Variants in SCN8A observed in about 807,000 individuals in gnomAD.
The protein encoded by SCN8A is sodium channel protein type 8 subunit alpha.
In SCN8A, 30 loss-of-function variants were observed where a neutral mutation model predicts 184.1. The observed-to-expected ratio is 0.16, with a 90% CI of 0.12 to 0.22. SCN8A has a LOEUF of 0.22. Among genes scored for constraint, SCN8A ranks in the 10% least tolerant of loss-of-function variants. The pLI is 1.00. For missense variants in SCN8A, 1,057 were observed against 2,498.9 expected (o/e 0.42, Z 12.30); for synonymous variants, 852 against 907.0 (o/e 0.94, Z 1.09).
chr12:51,806,532 C>G lies in SCN8A; in HGVS notation c.5046C>G (p.Ile1682Met). Reference sequence around the variant, plus strand: ...CATATGTGAAGCACGAGGCTGGTATCGATGACATGTTCAACTTTGAGACAT... The same window carrying G: ...CATATGTGAAGCACGAGGCTGGTATGGATGACATGTTCAACTTTGAGACAT... ...NFAYVKHEAG[I>M]DDMFNFETFG... Residue 1682 changes from isoleucine to methionine, a missense_variant, in exon 27 of 27, where the codon ATC (isoleucine) becomes ATG (methionine). Physicochemically the swap from Ile to Met is conservative, Grantham distance 10. Around this residue, in one of 19 missense-constraint regions of SCN8A, gnomAD observed 19 missense variants for 41.6 expected, o/e 0.46. Transcript: ENST00000627620. The surrounding 1 kb of genome is among the most constrained non-coding windows in gnomAD (Gnocchi z 8.7). 6.2e-7 allele frequency: 1 copy of G among 1,614,148 alleles called. No individual in the cohort carries two copies. Among genetic ancestry groups the G allele is most frequent in the Non-Finnish European group, 8.5e-7 (1 of 1,180,034 alleles).
At chr12:51,668,299 A>G (rs965511472) in intron 2 of SCN8A, among the ~76,000 whole-genome samples, 2 of 152,130 alleles carry the variant, frequency 1.3e-5, no homozygotes, top group Admixed American at 6.5e-5. Flanking sequence ...GAAAATTATA[A>G]TTTGATAGCC....
Position 51,769,944 on chromosome 12 carries a change from A to C in SCN8A, c.3449A>C (p.Gln1150Pro), listed in dbSNP as rs1050488287. 2 of 1,606,860 alleles carry C rather than the reference A, an allele frequency of 1.2e-6. No homozygotes were observed. Among genetic ancestry groups the C allele is most frequent in the East Asian group, 2.2e-5 (1 of 44,736 alleles). Residue 1150 changes from glutamine to proline, a missense_variant, in exon 18 of 27, where the codon CAG (glutamine) becomes CCG (proline). By Grantham distance (76) the Gln-to-Pro change is moderately conservative. This residue lies in a region of SCN8A where 178 missense variants were observed against 259.6 expected (regional missense o/e 0.69). Transcript: ENST00000627620. ...GAAGTAGAAGAGGTCCCTGTGGAAC[A>C]GCCTGAGGAATACTTGGATCCAGAT... is the stretch of plus-strand genomic sequence containing the variant. ...KPEVEEVPVE[Q>P]PEEYLDPDAC...
intron 14 of SCN8A, among the ~76,000 whole-genome samples, chr12:51,761,864 A>G (rs984627831): frequency 6.6e-6 from 1 of 152,100 alleles, no homozygotes; most frequent in African/African-American, 2.4e-5. Context: ...ACTTAATGAT[A>G]AGTGAAAAAT....
chr12:51,646,092 T>C (rs949898469), intron 1 of SCN8A, among the ~76,000 whole-genome samples: 10 of 151,276 alleles, frequency 6.6e-5, no homozygotes, highest in Admixed American at 3.3e-4. Flanking sequence ...CAGGAACACA[T>C]TCAGGAACAC....
intron 1 of SCN8A, among the ~76,000 whole-genome samples, chr12:51,626,091 T>G (rs1940072221): frequency 6.6e-6 from 1 of 152,164 alleles, no homozygotes; most frequent in Non-Finnish European, 1.5e-5. Context: ...GAAAGCATGG[T>G]CCAGAGCTCT....
chr12:51,653,234 T>G (rs995855269), intron 1 of SCN8A, among the ~76,000 whole-genome samples: 1 of 152,076 alleles, frequency 6.6e-6, no homozygotes. Flanking sequence ...ACAGGAGAAT[T>G]GCTTGAACCT....
intron 19 of SCN8A, among the ~76,000 whole-genome samples, chr12:51,773,547 A>G (rs1942962175): frequency 1.3e-5 from 2 of 152,230 alleles, no homozygotes; most frequent in Admixed American, 1.3e-4. Context: ...GAACACTCAT[A>G]TGCTTCTGGT....
intron 1 of SCN8A, among the ~76,000 whole-genome samples, chr12:51,626,264 A>G (rs988048301): frequency 3.3e-5 from 5 of 152,078 alleles, no homozygotes; most frequent in Non-Finnish European, 7.4e-5. Context: ...TGTGAGAGTT[A>G]GATAAAGGAG....
chr12:51,783,820 G>A (rs897835799), intron 21 of SCN8A, among the ~76,000 whole-genome samples: 18 of 152,168 alleles, frequency 1.2e-4, no homozygotes, highest in Middle Eastern at 3.2e-3. Flanking sequence ...TTATAGAGAA[G>A]ACAAAAATAC....
At chr12:51,717,220 C>T (rs772413597) in intron 11 of SCN8A, among the ~76,000 whole-genome samples, 11 of 152,176 alleles carry the variant, frequency 7.2e-5, no homozygotes, top group Non-Finnish European at 1.3e-4. Flanking sequence ...GTCACCTTAC[C>T]GTGATCTGAT....
At chr12:51,658,918 A>G (rs1940874808) in intron 1 of SCN8A, among the ~76,000 whole-genome samples, 1 of 152,162 alleles carries the variant, frequency 6.6e-6, no homozygotes, top group Non-Finnish European at 1.5e-5. Context: ...GAACCCTCTT[A>G]TATTGCTGGT....
chr12:51,736,470 T>C (rs938292720), intron 12 of SCN8A, among the ~76,000 whole-genome samples: 3 of 152,222 alleles, frequency 2.0e-5, no homozygotes, highest in African/African-American at 7.2e-5. Flanking sequence ...AATGTACCAT[T>C]TGGCAAGTTG....
At chr12:51,711,516 A>G (rs1249250094) in intron 11 of SCN8A, among the ~76,000 whole-genome samples, 1 of 152,190 alleles carries the variant, frequency 6.6e-6, no homozygotes, top group Non-Finnish European at 1.5e-5. Flanking sequence ...AGGTTATATA[A>G]CTAGTAAGTG....
intron 25 of SCN8A, among the ~76,000 whole-genome samples, chr12:51,794,165 CAGAG>C (rs1195238320): frequency 2.0e-5 from 3 of 152,038 alleles, no homozygotes; most frequent in Admixed American, 1.3e-4. Flanking sequence ...AAACAGAAAA[CAGAG>C]AGAAGCTGGT....
At chr12:51,668,098 G>T (rs554357225) in intron 2 of SCN8A, among the ~76,000 whole-genome samples, 1 of 151,412 alleles carries the variant, frequency 6.6e-6, no homozygotes, top group Non-Finnish European at 1.5e-5. Context: ...CAGGAGAATC[G>T]CTTGAACCCG....
chr12:51,686,959 C>A, intron 4 of SCN8A, 132 bp from the exon 5 acceptor site: 1 of 825,440 alleles, frequency 1.2e-6, no homozygotes, highest in Non-Finnish European at 2.0e-6. Context: ...CACTTCCTTC[C>A]TGCTGCATTG....
At position 51,720,387 on chromosome 12, in the gene SCN8A, T is replaced by C. The variant is rs181711102; in HGVS notation, c.1636-1159T>C. 5.8e-3 allele frequency among the ~76,000 whole-genome samples: 849 copies of C among 146,050 alleles called. 10 individuals carry two copies. Among genetic ancestry groups the C allele is most frequent in the African/African-American group, 0.021 (816 of 39,052 alleles). The stretch of plus-strand genomic sequence containing the variant: ...ACCAAATACTGCATATTCTCACTGA[T>C]AGGTGGAAATTGAACAATGAGAACA... On this transcript the variant is annotated intron_variant, in intron 11 of 26. Transcript: ENST00000627620.
chr12:51,621,701 T>C (rs1447158892), intron 1 of SCN8A, among the ~76,000 whole-genome samples: 2 of 152,134 alleles, frequency 1.3e-5, no homozygotes, highest in Admixed American at 1.3e-4. Flanking sequence ...AGGGGCAGAG[T>C]GTCAGCCACA....
intron 20 of SCN8A, 60 bp from the exon 21 acceptor site, chr12:51,780,589 T>C: frequency 3.1e-6 from 1 of 322,104 alleles, no homozygotes; most frequent in Non-Finnish European, 5.2e-6. Flanking sequence ...TTTTTTTTTT[T>C]TTTTTTTTTT....
Sources: gnomAD v4.1 joint callset for allele counts (sites outside exome capture counted in the v4.1 genomes callset) on GRCh38, gnomAD v4.1.1 for gene constraint, gnomAD v4.1.1 regional missense constraint, Gnocchi (gnomAD v3.1) non-coding constraint, MANE v1.5 for transcripts, NCBI Gene and HGNC (gene_info 2026-07-23, HGNC 2026-07-21) for gene names.